NCSTN: variants seen among roughly 807,000 people sequenced by gnomAD.
NCSTN encodes the protein anterior pharynx-defective 2.
In NCSTN, 22 loss-of-function variants were observed where a neutral mutation model predicts 87.0. The ratio of observed to expected loss-of-function variants is 0.25; its 90% CI spans 0.18 to 0.36. The LOEUF (loss-of-function observed/expected upper bound fraction) is 0.36, where lower values mean the gene tolerates loss of function less well. Ranked by LOEUF, NCSTN falls within the 10% of genes least tolerant of loss-of-function variation. The pLI is 1.00. For synonymous variants in NCSTN, 306 were observed against 327.1 expected, an observed-to-expected ratio of 0.94 and a Z score of 0.69; for missense variants, 693 against 883.3, an observed-to-expected ratio of 0.78 and a Z score of 2.73.
At chr1:160,357,300 T>C in intron 16 of NCSTN, 47 bp downstream of exon 16, 1 of 1,519,098 alleles carries the variant, frequency 6.6e-7, no homozygotes, top group Non-Finnish European at 9.0e-7. Context: ...TTTGACTTCT[T>C]TCTCTGCTTT....
chr1:160,356,907 A>G, intron 15 of NCSTN, 134 bp from the exon 16 acceptor site: 2 of 1,371,548 alleles, frequency 1.5e-6, no homozygotes, highest in South Asian at 1.2e-5. Flanking sequence ...CTGGGTGAAA[A>G]TGGACCATCT....
chr1:160,353,053 C>T (rs537667215), intron 9 of NCSTN, 62 bp downstream of exon 9: 76 of 1,579,130 alleles, frequency 4.8e-5, no homozygotes, highest in East Asian at 3.6e-4. Flanking sequence ...TGTTGTTCTG[C>T]GGTCTTAACT....
chr1:160,347,666 G>A (rs1648574938), intron 2 of NCSTN, among the ~76,000 whole-genome samples: 1 of 152,114 alleles, frequency 6.6e-6, no homozygotes, highest in African/African-American at 2.4e-5. Flanking sequence ...CTGGAGTGCT[G>A]TGGCACAATC....
rs753346280 is a variant in NCSTN at position 160,349,551 on chromosome 1, A to T, written c.317A>T (p.Asp106Val). ...VLLESKHFTR[D>V]LMEKLKGRTS... is the part of the protein sequence containing the mutation. ...ATGGAATTCCTTTCCTATTCCAGGG[A>T]TTTAATGGAGAAGCTGAAAGGGAGA... The change falls in exon 4 of 17, where the codon GAT becomes GTT. Residue 106 changes from aspartate (D) to valine (V), a missense_variant and splice_region_variant. By Grantham distance (152) the Asp-to-Val change is radical. Coordinates refer to ENST00000294785, the MANE Select transcript of NCSTN (RefSeq NM_015331.3). 3.7e-6 allele frequency: 6 copies of T among 1,613,894 alleles called. No homozygotes were observed. In the East Asian group the frequency reaches 8.9e-5, roughly 24 times the overall value.
At chr1:160,352,535 C>T (rs1456655996) in intron 8 of NCSTN, among the ~76,000 whole-genome samples, 1 of 152,222 alleles carries the variant, frequency 6.6e-6, no homozygotes, top group Non-Finnish European at 1.5e-5. Context: ...AGGCTCCTGA[C>T]TCTCATCACT....
intron 2 of NCSTN, 109 bp downstream of exon 2, chr1:160,344,935 A>T: frequency 1.1e-6 from 1 of 901,896 alleles, no homozygotes; most frequent in Non-Finnish European, 1.8e-6. Context: ...ATTGGACTGT[A>T]TGTAGGCAGT....
chr1:160,351,082 A>G (rs1648810692), intron 5 of NCSTN, 140 bp from the exon 6 acceptor site: 2 of 869,482 alleles, frequency 2.3e-6, no homozygotes, highest in Middle Eastern at 3.3e-4. Context: ...GTTCTAGGAT[A>G]ACTATAGCTC....
intron 2 of NCSTN, 113 bp from the exon 3 acceptor site, chr1:160,348,886 T>G (rs148789665): frequency 1.4e-6 from 2 of 1,477,088 alleles, no homozygotes; most frequent in African/African-American, 2.8e-5. Flanking sequence ...GTGCCTGTAT[T>G]CACCCAAATA....
intron 11 of NCSTN, 24 bp from the exon 12 acceptor site, chr1:160,355,630 AG>A: frequency 6.4e-7 from 1 of 1,553,702 alleles, no homozygotes; most frequent in Non-Finnish European, 8.9e-7. Flanking sequence ...AATGTAGCCA[AG>A]GCTCATGCCG....
chr1:160,345,758 A>AC (rs1019529431), intron 2 of NCSTN, among the ~76,000 whole-genome samples: 4 of 148,366 alleles, frequency 2.7e-5, no homozygotes, highest in Admixed American at 1.4e-4. Context: ...GCATGGTGAA[A>AC]CCCCCCCATC....
intron 13 of NCSTN, 45 bp downstream of exon 13, chr1:160,356,003 G>T: frequency 6.5e-7 from 1 of 1,527,568 alleles, no homozygotes. Flanking sequence ...TACACAGCAA[G>T]CTGTCCCTAT....
At chr1:160,352,599 G>C (rs1266745214) in intron 8 of NCSTN, among the ~76,000 whole-genome samples, 1 of 152,204 alleles carries the variant, frequency 6.6e-6, no homozygotes, top group African/African-American at 2.4e-5. Context: ...CTGGAGGTGG[G>C]GGACCGTTAA....
chr1:160,357,490 C>T (rs1287111986), intron 16 of NCSTN, among the ~76,000 whole-genome samples: 1 of 152,182 alleles, frequency 6.6e-6, no homozygotes, highest in African/African-American at 2.4e-5. Flanking sequence ...CTGCAACCTC[C>T]GTCCCTTGGG....
chr1:160,345,383 G>C (rs1023361006), intron 2 of NCSTN, among the ~76,000 whole-genome samples: 3 of 151,906 alleles, frequency 2.0e-5, no homozygotes, highest in Non-Finnish European at 4.4e-5. Flanking sequence ...AGTAGAGATG[G>C]TGTTTCACCA....
intron 1 of NCSTN, among the ~76,000 whole-genome samples, chr1:160,344,226 C>T (rs1648307237): frequency 6.6e-6 from 1 of 152,122 alleles, no homozygotes; most frequent in African/African-American, 2.4e-5. Context: ...AGCTGCCCCA[C>T]ACTGTGGGCA....
chr1:160,358,074 C>T, intron 16 of NCSTN, 75 bp from the exon 17 acceptor site: 1 of 1,608,830 alleles, frequency 6.2e-7, no homozygotes, highest in Admixed American at 1.7e-5. Flanking sequence ...GCTCCAAACC[C>T]CAAACAGTTA....
At chr1:160,355,579 T>G in intron 11 of NCSTN, 76 bp from the exon 12 acceptor site, 2 of 1,031,752 alleles carry the variant, frequency 1.9e-6, no homozygotes, top group East Asian at 2.4e-5. Flanking sequence ...AGTCCCTGCA[T>G]AAGGAGCATT....
In NCSTN at chr1:160,343,386, A is replaced by C. The variant is rs200377959; in HGVS notation, c.-11A>C. On this transcript the variant is annotated 5_prime_UTR_variant, in exon 1 of 17. Transcript: ENST00000294785. ...AGCCGAACGGGGGCTTCCGCTCAGC[A>C]GAGAGGCAAGATGGCTACGGCAGGG... is the stretch of plus-strand genomic sequence containing the variant. 199 of 1,612,934 alleles carry C rather than the reference A, an allele frequency of 1.2e-4. 1 individual carries two copies. In the Middle Eastern group the frequency reaches 6.4e-3, roughly 52 times the overall value.
At chr1:160,355,538 C>A in intron 11 of NCSTN, 117 bp from the exon 12 acceptor site, 1 of 790,876 alleles carries the variant, frequency 1.3e-6, no homozygotes, top group East Asian at 2.5e-5. Flanking sequence ...GTCTCTCACC[C>A]CTTTCTTCTG....
Sources: allele counts gnomAD v4.1 joint callset (sites outside exome capture counted in the v4.1 genomes callset), GRCh38; gene constraint gnomAD v4.1.1; transcripts MANE v1.5; gene names NCBI Gene and HGNC (gene_info 2026-07-23, HGNC 2026-07-21).